Variants in KATNBL1 observed in about 807,000 individuals in gnomAD.
KATNBL1 encodes the protein katanin regulatory subunit B1 like 1, also known as KATNB1-like protein 1.
Under a neutral mutation model 44.7 loss-of-function variants are expected in KATNBL1, and 28 were observed. That is an observed-to-expected ratio of 0.63 (90% CI 0.46 to 0.86). KATNBL1 has a LOEUF of 0.86. Ranked by LOEUF, KATNBL1 falls within the 40% of genes least tolerant of loss-of-function variation. The pLI is 0.00. For synonymous variants in KATNBL1, 78 were observed against 114.9 expected, an observed-to-expected ratio of 0.68 and a Z score of 2.06; for missense variants, 272 against 350.7, an observed-to-expected ratio of 0.78 and a Z score of 1.79.
intron 8 of KATNBL1, 131 bp downstream of exon 8, chr15:34,146,630 G>A (rs117464096): frequency 1.6e-6 from 1 of 619,928 alleles, no homozygotes; most frequent in Non-Finnish European, 2.9e-6. Flanking sequence ...TCTTAAGTTA[G>A]TATCTCTCTG....
In KATNBL1 at chr15:34,153,029, T is replaced by C. The variant is rs556931592; in HGVS notation, c.199A>G (p.Lys67Glu). ...ACTTTCTTTCTGCGATAGATCACTT[T>C]ACGAAGTTTATCTGGGCTTTTCACA... is the stretch of plus-strand genomic sequence containing the variant. The part of the protein sequence containing the change: ...QTVKSPDKLR[K>E]VIYRRKKVHH... Residue 67 changes from lysine to glutamate, a missense_variant, in exon 4 of 10, where the codon AAA becomes GAA. Physicochemically the swap from Lys to Glu is moderately conservative, Grantham distance 56. Transcript: ENST00000256544. 3.7e-5 allele frequency: 60 copies of C among 1,613,300 alleles called. No homozygotes were observed. The South Asian group carries it at 6.0e-4, about 16-fold the overall frequency.
At chr15:34,186,739 C>T (rs1051475316) in intron 1 of KATNBL1, among the ~76,000 whole-genome samples, 2 of 152,240 alleles carry the variant, frequency 1.3e-5, no homozygotes, top group African/African-American at 2.4e-5. Context: ...CTGCTCCCAG[C>T]ACCTGCTCTG....
intron 1 of KATNBL1, among the ~76,000 whole-genome samples, chr15:34,169,633 C>CA (rs201087742): frequency 0.068 from 10,316 of 152,060 alleles, 390 homozygotes; most frequent in Middle Eastern, 0.1. Flanking sequence ...AGAGACACAA[C>CA]AAAAAAAGAG....
intron 1 of KATNBL1, among the ~76,000 whole-genome samples, chr15:34,193,708 C>T (rs561655568): frequency 2.6e-4 from 40 of 151,392 alleles, no homozygotes; most frequent in African/African-American, 9.0e-4. Flanking sequence ...AAAAATTAGC[C>T]GGGCATAGTG....
At chr15:34,165,552 GT>G (rs1888939981) in intron 1 of KATNBL1, among the ~76,000 whole-genome samples, 2 of 152,050 alleles carry the variant, frequency 1.3e-5, no homozygotes, top group African/African-American at 4.8e-5. Flanking sequence ...ATCCCAGCAA[GT>G]TCGGAGGCTG....
chr15:34,202,045 C>T (rs541526840), intron 1 of KATNBL1, among the ~76,000 whole-genome samples: 3 of 152,224 alleles, frequency 2.0e-5, no homozygotes, highest in African/African-American at 4.8e-5. Flanking sequence ...TGAGCATCCT[C>T]GGATTGTGAT....
intron 9 of KATNBL1, among the ~76,000 whole-genome samples, chr15:34,143,443 C>T (rs138033058): frequency 0.013 from 2,044 of 151,946 alleles, 33 homozygotes; most frequent in Non-Finnish European, 0.014. Context: ...CCAGCCTGGA[C>T]GACAGAGCGA....
At chr15:34,167,271 A>G (rs1889007646) in intron 1 of KATNBL1, among the ~76,000 whole-genome samples, 1 of 152,252 alleles carries the variant, frequency 6.6e-6, no homozygotes, top group Non-Finnish European at 1.5e-5. Flanking sequence ...ATGGAGCTGA[A>G]AATCACAGTA....
rs531339661 is a variant in KATNBL1, at chr15:34,184,305, C to CAAAAAAAAAA, written c.-14-20625_-14-20616dup. On this transcript the variant is annotated intron_variant, in intron 1 of 9. Transcript: ENST00000256544. ...TGGACGACAGAGCGAGACTCTGTCTCAAAAAAAAAAAATTAGCTGGGCGTG... is the reference window on the plus strand; with the variant it reads ...TGGACGACAGAGCGAGACTCTGTCTCAAAAAAAAAAAAAAAAAAAAAATTAGCTGGGCGTG... Among the ~76,000 whole-genome samples, 107 of 129,042 alleles carry CAAAAAAAAAA rather than the reference C, an allele frequency of 8.3e-4. 1 individual carries two copies. The highest frequency in any genetic ancestry group is 4.9e-3 in the East Asian group (22 of 4,474). The allele number at this position is 129,042 out of a possible 152,430, so 84.7% of individuals were successfully genotyped here.
At chr15:34,193,799 C>A (rs1889954232) in intron 1 of KATNBL1, among the ~76,000 whole-genome samples, 1 of 125,492 alleles carries the variant, frequency 8.0e-6, no homozygotes, top group South Asian at 2.6e-4. Flanking sequence ...CTGCAGTGAG[C>A]CAAAATTGCA....
intron 1 of KATNBL1, among the ~76,000 whole-genome samples, chr15:34,173,349 T>C (rs1016419712): frequency 6.6e-6 from 1 of 152,092 alleles, no homozygotes; most frequent in Non-Finnish European, 1.5e-5. Flanking sequence ...GGTGAAAATA[T>C]ACAAACAAAT....
intron 1 of KATNBL1, among the ~76,000 whole-genome samples, chr15:34,186,218 CA>C (rs973612895): frequency 5.3e-5 from 8 of 152,172 alleles, no homozygotes; most frequent in Non-Finnish European, 7.3e-5. Context: ...CAGTGGCTGC[CA>C]CCATCATGCC....
intron 1 of KATNBL1, among the ~76,000 whole-genome samples, chr15:34,169,543 C>G (rs1423490237): frequency 6.6e-6 from 1 of 152,180 alleles, no homozygotes. Flanking sequence ...CCTTCTGAAA[C>G]TATTCCATCA....
At chr15:34,184,659 G>A (rs1889670760) in intron 1 of KATNBL1, among the ~76,000 whole-genome samples, 1 of 133,626 alleles carries the variant, frequency 7.5e-6, no homozygotes, top group Non-Finnish European at 1.5e-5. Flanking sequence ...TGCAAGCTCC[G>A]CCTCCTGGGT....
intron 1 of KATNBL1, among the ~76,000 whole-genome samples, chr15:34,186,555 C>T (rs1889721619): frequency 6.6e-6 from 1 of 152,202 alleles, no homozygotes; most frequent in Admixed American, 6.5e-5. Context: ...AGGCGGGAGC[C>T]CTGCCTCTTC....
At chr15:34,160,592 G>A (rs149193859) in intron 2 of KATNBL1, among the ~76,000 whole-genome samples, 98 of 152,064 alleles carry the variant, frequency 6.4e-4, no homozygotes, top group Middle Eastern at 3.4e-3. Flanking sequence ...TTTTGGATGC[G>A]GGGTTTAGAC....
At chr15:34,182,607 T>C (rs1307887206) in intron 1 of KATNBL1, among the ~76,000 whole-genome samples, 4 of 152,264 alleles carry the variant, frequency 2.6e-5, no homozygotes, top group African/African-American at 9.6e-5. Context: ...CTGAGGTAAA[T>C]GTTTACCATC....
At chr15:34,166,569 C>T (rs1012895403) in intron 1 of KATNBL1, among the ~76,000 whole-genome samples, 7 of 152,180 alleles carry the variant, frequency 4.6e-5, no homozygotes, top group African/African-American at 1.2e-4. Flanking sequence ...AGTCTGATAG[C>T]TCTGAAGAGA....
intron 1 of KATNBL1, among the ~76,000 whole-genome samples, chr15:34,172,541 G>A (rs1193191731): frequency 6.6e-6 from 1 of 152,124 alleles, no homozygotes; most frequent in Non-Finnish European, 1.5e-5. Context: ...ACAGGTGTAA[G>A]CCACTGCACC....
Sources: allele counts gnomAD v4.1 joint callset (sites outside exome capture counted in the v4.1 genomes callset), GRCh38; gene constraint gnomAD v4.1.1; transcripts MANE v1.5; gene names NCBI Gene and HGNC (gene_info 2026-07-23, HGNC 2026-07-21).